The following CES5A variants were observed in gnomAD, a reference collection of about 807,000 sequenced individuals.
The protein encoded by CES5A is carboxylesterase 5A.
A neutral mutation model predicts 62.9 loss-of-function variants in CES5A; 67 were observed. The ratio of observed to expected loss-of-function variants is 1.07; its 90% CI spans 0.88 to 1.31. The LOEUF (loss-of-function observed/expected upper bound fraction) is 1.31, where lower values mean the gene tolerates loss of function less well. Among genes scored for constraint, CES5A ranks in the 50% most tolerant of loss-of-function variants. CES5A has a pLI of 0.00. For synonymous variants in CES5A, 296 were observed against 280.8 expected, an observed-to-expected ratio of 1.05 and a Z score of -0.54; for missense variants, 748 against 708.5, an observed-to-expected ratio of 1.06 and a Z score of -0.63.
intron 10 of CES5A, among the ~76,000 whole-genome samples, chr16:55,851,217 G>A (rs1221808018): frequency 6.6e-6 from 1 of 152,084 alleles, no homozygotes; most frequent in African/African-American, 2.4e-5. Flanking sequence ...GCAACCCACA[G>A]AATGGGAGAA....
At chr16:55,916,858 C>T (rs916038793) in intron 1 of CES5A, among the ~76,000 whole-genome samples, 69 of 152,360 alleles carry the variant, frequency 4.5e-4, no homozygotes, top group Middle Eastern at 3.4e-3. Flanking sequence ...ACTCCAGCTG[C>T]TGGTCCAGGT....
At chr16:55,914,435 G>A (rs1349862859) in intron 1 of CES5A, among the ~76,000 whole-genome samples, 1 of 152,144 alleles carries the variant, frequency 6.6e-6, no homozygotes, top group Non-Finnish European at 1.5e-5. Flanking sequence ...CCACGGTCTG[G>A]TAGTAGGTGG....
chr16:55,930,706 T>G (rs1235533023), intron 2 of CES5A, among the ~76,000 whole-genome samples: 1 of 152,232 alleles, frequency 6.6e-6, no homozygotes, highest in East Asian at 1.9e-4. Flanking sequence ...TAATCACGGT[T>G]GTAATTTTAC....
At position 55,938,598 on chromosome 16, in the gene CES5A, A is replaced by G. The variant is rs371077165; in HGVS notation, c.160+11187T>C. On this transcript the variant is annotated intron_variant, in intron 2 of 13. Coordinates refer to the CES5A transcript ENST00000521992. ...TAAAAATACAAAAAATTATCTGGGT[A>G]TGGTGGCGGGTGCCTATAGTCCCAG... 2.0e-5 allele frequency among the ~76,000 whole-genome samples: 3 copies of G among 150,830 alleles called. No homozygotes were observed. In the East Asian group the frequency reaches 5.9e-4, roughly 30 times the overall value.
intron 11 of CES5A, among the ~76,000 whole-genome samples, chr16:55,848,945 A>G (rs1160308646): frequency 6.6e-6 from 1 of 152,224 alleles, no homozygotes; most frequent in Non-Finnish European, 1.5e-5. Flanking sequence ...AATAACCCAC[A>G]GTGCACAAAT....
At chr16:55,872,851 C>T (rs1344847183) in intron 2 of CES5A, among the ~76,000 whole-genome samples, 2 of 152,150 alleles carry the variant, frequency 1.3e-5, no homozygotes, top group Non-Finnish European at 1.5e-5. Flanking sequence ...GTTTACGTTC[C>T]TGCCACCATC....
At chr16:55,915,788 C>G (rs2034142612) in intron 1 of CES5A, among the ~76,000 whole-genome samples, 1 of 152,206 alleles carries the variant, frequency 6.6e-6, no homozygotes, top group Non-Finnish European at 1.5e-5. Flanking sequence ...ACCCTGGATT[C>G]TCTCCCGTTT....
intron 2 of CES5A, among the ~76,000 whole-genome samples, chr16:55,932,862 C>T (rs116921083): frequency 2.0e-5 from 3 of 151,942 alleles, no homozygotes; most frequent in East Asian, 3.9e-4. Context: ...CTGGCTGCTG[C>T]GTAAAGAATG....
chr16:55,860,690 T>G (rs567400813), intron 7 of CES5A, among the ~76,000 whole-genome samples: 2 of 152,312 alleles, frequency 1.3e-5, no homozygotes, highest in African/African-American at 4.8e-5. Flanking sequence ...TCTTTAGGTT[T>G]CTGTTTTGAG....
At chr16:55,873,445 G>A (rs2033633270) in intron 2 of CES5A, among the ~76,000 whole-genome samples, 1 of 152,114 alleles carries the variant, frequency 6.6e-6, no homozygotes, top group Non-Finnish European at 1.5e-5. Flanking sequence ...TTGGGTGAGA[G>A]GTCACAAGAA....
intron 1 of CES5A, among the ~76,000 whole-genome samples, chr16:55,896,320 G>C (rs1254711605): frequency 6.6e-6 from 1 of 152,098 alleles, no homozygotes; most frequent in Non-Finnish European, 1.5e-5. Flanking sequence ...GGTAGTATGG[G>C]AGCTACAGTT....
chr16:55,943,320 A>T (rs1296208255), intron 2 of CES5A, among the ~76,000 whole-genome samples: 7 of 152,208 alleles, frequency 4.6e-5, no homozygotes, highest in Admixed American at 2.6e-4. Context: ...GTAAACTGCG[A>T]GAGATCAGAA....
At chr16:55,924,990 A>G (rs1233108311) in intron 1 of CES5A, among the ~76,000 whole-genome samples, 1 of 152,096 alleles carries the variant, frequency 6.6e-6, no homozygotes, top group African/African-American at 2.4e-5. Flanking sequence ...TCAAAAGCAC[A>G]GGCAACCAAA....
chr16:55,944,389 G>A, intron 2 of CES5A: 1 of 365,496 alleles, frequency 2.7e-6, no homozygotes, highest in African/African-American at 2.0e-5. Flanking sequence ...TTTGGGGAGA[G>A]GGAAGCCAGG....
intron 1 of CES5A, among the ~76,000 whole-genome samples, chr16:55,884,251 G>A (rs746768136): frequency 7.9e-5 from 12 of 152,278 alleles, no homozygotes; most frequent in Admixed American, 6.5e-5. Flanking sequence ...CCTCAGCCTT[G>A]TGCTACTCCT....
intron 4 of CES5A, among the ~76,000 whole-genome samples, chr16:55,869,218 A>T (rs1182297076): frequency 1.3e-5 from 2 of 152,046 alleles, no homozygotes; most frequent in Non-Finnish European, 2.9e-5. Context: ...GACAAGTGCC[A>T]CCTGCAGGCT....
At chr16:55,862,008 C>T (rs1236078230) in intron 6 of CES5A, among the ~76,000 whole-genome samples, 1 of 152,188 alleles carries the variant, frequency 6.6e-6, no homozygotes, top group African/African-American at 2.4e-5. Context: ...GGCCCACTCA[C>T]AGCCTGGAAT....
intron 1 of CES5A, among the ~76,000 whole-genome samples, chr16:55,882,663 CACATA>C (rs2033773955): frequency 1.3e-5 from 2 of 152,240 alleles, no homozygotes; most frequent in Non-Finnish European, 2.9e-5. Context: ...GTGCTGCCTT[CACATA>C]CCAAGGAGAC....
chr16:55,904,150 A>C (rs769440660), intron 1 of CES5A, among the ~76,000 whole-genome samples: 1 of 152,262 alleles, frequency 6.6e-6, no homozygotes, highest in Non-Finnish European at 1.5e-5. Flanking sequence ...GAAAATAAAA[A>C]TAAAATGAGG....
Sources: gnomAD v4.1 joint callset for allele counts (sites outside exome capture counted in the v4.1 genomes callset) on GRCh38, gnomAD v4.1.1 for gene constraint, MANE v1.5 for transcripts, NCBI Gene and HGNC (gene_info 2026-07-23, HGNC 2026-07-21) for gene names.